Variants in MALT1 observed in about 807,000 individuals in gnomAD.
The protein encoded by MALT1 is MALT1 paracaspase, also known as mucosa-associated lymphoid tissue lymphoma translocation protein 1.
In MALT1, 36 loss-of-function variants were observed where a neutral mutation model predicts 85.5. That is an observed-to-expected ratio of 0.42 (90% confidence interval 0.32 to 0.56). The LOEUF is 0.56. Ranked by LOEUF, MALT1 falls within the 20% of genes least tolerant of loss-of-function variation. The pLI is 0.10. For missense variants in MALT1, 716 were observed against 981.6 expected (o/e 0.73, Z 3.62); for synonymous variants, 359 against 361.3 (o/e 0.99, Z 0.07).
Position 58,734,347 on chromosome 18 carries a change from A to G in MALT1, c.1441A>G (p.Lys481Glu). 1 of 1,613,882 alleles carries G rather than the reference A, an allele frequency of 6.2e-7. No individual in the cohort carries two copies. The highest frequency in any genetic ancestry group is 8.5e-7 in the Non-Finnish European group (1 of 1,179,782). Residue 481 changes from lysine to glutamate, a missense_variant, in exon 12 of 17, where the codon AAA becomes GAA. By Grantham distance (56) the Lys-to-Glu change is moderately conservative. Coordinates refer to ENST00000649217, the MANE Select transcript of MALT1 (RefSeq NM_006785.4). ...DDTIPILDAL[K>E]VTANIVFGYA... ...TACCATTCCAATCTTGGATGCACTAAAAGTCACCGCCAATATTGTGTTTGG... is the reference window on the plus strand; with the variant it reads ...TACCATTCCAATCTTGGATGCACTAGAAGTCACCGCCAATATTGTGTTTGG...
chr18:58,679,297 C>T (rs954677192), intron 1 of MALT1, among the ~76,000 whole-genome samples: 1 of 152,216 alleles, frequency 6.6e-6, no homozygotes, highest in Non-Finnish European at 1.5e-5. Flanking sequence ...GACAATAAGA[C>T]ATTCTTTAAA....
Position 58,752,616 on chromosome 18 carries a change from C to CAAAAAAAAA in MALT1, c.*4787_*4795dup, listed in dbSNP as rs34321301. 2 of 109,590 alleles carry CAAAAAAAAA rather than the reference C, an allele frequency of 1.8e-5. No homozygotes were observed. 6.8% of individuals were successfully genotyped at this position (109,590 alleles called of 1,614,324 possible). Reference sequence around the variant, plus strand: ...CAACATGGTGAAACCCCATCTCTACCAAAAAAAAAAAAAAAAAAAAAGCAA... The same window carrying CAAAAAAAAA: ...CAACATGGTGAAACCCCATCTCTACCAAAAAAAAAAAAAAAAAAAAAAAAAAAAAAGCAA... On this transcript the variant is annotated 3_prime_UTR_variant, in exon 17 of 17. Coordinates refer to ENST00000649217, the MANE Select transcript of MALT1 (RefSeq NM_006785.4).
chr18:58,711,392 AGAG>A (rs1197931227), intron 7 of MALT1, among the ~76,000 whole-genome samples: 2 of 152,200 alleles, frequency 1.3e-5, no homozygotes, highest in Admixed American at 1.3e-4. Flanking sequence ...AAGTTTCAGG[AGAG>A]GAGATTTATT....
chr18:58,723,281 A>G (rs747522975), intron 10 of MALT1, 30 bp downstream of exon 10: 1 of 1,499,456 alleles, frequency 6.7e-7, no homozygotes, highest in Non-Finnish European at 9.3e-7. Context: ...TGTTTTTACA[A>G]TTATCCATTA....
In MALT1 at chr18:58,723,060, T is replaced by C; in HGVS notation, c.1031T>C (p.Val344Ala). Residue 344 changes from valine (V) to alanine (A), a missense_variant, in exon 10 of 17, where the codon GTT becomes GCT. By Grantham distance (64) the Val-to-Ala change is moderately conservative (BLOSUM62 0). Transcript: ENST00000649217. ...TTTTTTTTCAAAGCGAAGGACAAGG[T>C]TGCCCTTTTGATAGGAAATATGAAT... ...TTDQPLAKDK[V>A]ALLIGNMNYR... 1 of 1,613,744 alleles carries C rather than the reference T, an allele frequency of 6.2e-7. No homozygotes were observed. Among genetic ancestry groups the C allele is most frequent in the Non-Finnish European group, 8.5e-7 (1 of 1,179,790 alleles).
At chr18:58,695,040 A>G (rs1295083099) in intron 2 of MALT1, among the ~76,000 whole-genome samples, 1 of 152,090 alleles carries the variant, frequency 6.6e-6, no homozygotes, top group East Asian at 1.9e-4. Context: ...GTGATAGTGA[A>G]TAAGTCTTAT....
chr18:58,692,229 T>A (rs2144340114), intron 2 of MALT1: 1 of 152,330 alleles, frequency 6.6e-6, no homozygotes, highest in East Asian at 1.9e-4. Flanking sequence ...GGGGTCCCCC[T>A]GGAGCCTCAG....
chr18:58,731,675 T>G (rs1464228806), intron 10 of MALT1, among the ~76,000 whole-genome samples: 14 of 152,246 alleles, frequency 9.2e-5, no homozygotes, highest in Admixed American at 9.2e-4. Context: ...TCCTCTCTAC[T>G]TTACTCATTT....
In MALT1 at chr18:58,733,455, C is replaced by T. The variant is rs199843812; in HGVS notation, c.1281C>T (p.Pro427=). ...ATTTTGGGAACAGCTTCATGGTCCC[C>T]GTTGATGCTCCAAATCCATATAGGT... ...YENFGNSFMV[P]VDAPNPYRSE... Residue 427 remains proline, a synonymous_variant, in exon 11 of 17, where the codon CCC becomes CCT. Transcript: ENST00000649217. The T allele has an allele frequency of 2.5e-6, 4 of 1,613,438 alleles. No homozygotes were observed. Among genetic ancestry groups the T allele is most frequent in the East Asian group, 4.5e-5 (2 of 44,874 alleles).
chr18:58,750,521 G>GAT lies in MALT1; in HGVS notation c.*2679_*2680insAT. ...ACCAAGCTACAATAAGACAGTGTAG[G>GAT]CATATGGATAGACATATCGATCAGA... On this transcript the variant is annotated 3_prime_UTR_variant, in exon 17 of 17. Coordinates refer to ENST00000649217, the MANE Select transcript of MALT1 (RefSeq NM_006785.4). The GAT allele has an allele frequency of 1.3e-5, 2 of 152,270 alleles. No individual in the cohort carries two copies. The highest frequency in any genetic ancestry group is 3.9e-4 in the East Asian group (2 of 5,186). The allele number at this position is 152,270 out of a possible 1,614,324, so 9.4% of individuals were successfully genotyped here. A position where few individuals can be genotyped will look rare whatever the true frequency, so the allele number is the denominator to read the frequency against.
chr18:58,739,569 T>C (rs2055273319), intron 13 of MALT1, among the ~76,000 whole-genome samples: 1 of 152,172 alleles, frequency 6.6e-6, no homozygotes, highest in African/African-American at 2.4e-5. Flanking sequence ...TTCAGTAAAG[T>C]AGATTGCTCT....
intron 13 of MALT1, among the ~76,000 whole-genome samples, chr18:58,740,905 T>C (rs2055292551): frequency 6.6e-6 from 1 of 152,188 alleles, no homozygotes; most frequent in South Asian, 2.1e-4. Context: ...TTTTACTTCA[T>C]ATATAGTGAC....
chr18:58,744,133 G>T (rs912507373), intron 14 of MALT1, among the ~76,000 whole-genome samples: 22 of 152,122 alleles, frequency 1.4e-4, no homozygotes, highest in African/African-American at 5.3e-4. Context: ...TATATATACA[G>T]TTGGATAAGA....
At chr18:58,707,078 C>G (rs2144380558) in intron 4 of MALT1, among the ~76,000 whole-genome samples, 1 of 151,954 alleles carries the variant, frequency 6.6e-6, no homozygotes, top group South Asian at 2.1e-4. Context: ...TTTCTTCTAA[C>G]CTGTTTTCAA....
At chr18:58,706,145 C>T (rs1248156956) in intron 4 of MALT1, among the ~76,000 whole-genome samples, 1 of 152,074 alleles carries the variant, frequency 6.6e-6, no homozygotes, top group Non-Finnish European at 1.5e-5. Context: ...GCCACCACGC[C>T]TGGCTAATTT....
chr18:58,674,291 G>A (rs1189464847), intron 1 of MALT1, among the ~76,000 whole-genome samples: 1 of 152,172 alleles, frequency 6.6e-6, no homozygotes, highest in Non-Finnish European at 1.5e-5. Context: ...TTTGTTTGGG[G>A]GAACTAAAGG....
intron 7 of MALT1, among the ~76,000 whole-genome samples, chr18:58,711,355 CT>C (rs2054828273): frequency 6.6e-6 from 1 of 152,128 alleles, no homozygotes; most frequent in Admixed American, 6.5e-5. Context: ...TGATTAGATG[CT>C]CTCAAATGAA....
chr18:58,753,168 G>C lies in MALT1; in HGVS notation c.*5326G>C, dbSNP rs2055469253. The C allele has an allele frequency of 6.6e-6, 1 of 152,076 alleles. No homozygotes were observed. The highest frequency in any genetic ancestry group is 1.5e-5 in the Non-Finnish European group (1 of 68,018). 9.4% of individuals were successfully genotyped at this position (152,076 alleles called of 1,614,324 possible). On this transcript the variant is annotated 3_prime_UTR_variant, in exon 17 of 17. Transcript: ENST00000649217. ...ATCTGGCATTCTTAAAGCTATACCT[G>C]TAGGCAGTATAGAGTGTTTTTTTTT...
At chr18:58,710,337 T>C (rs900678194) in intron 6 of MALT1, among the ~76,000 whole-genome samples, 1 of 152,212 alleles carries the variant, frequency 6.6e-6, no homozygotes, top group Non-Finnish European at 1.5e-5. Flanking sequence ...TCAACACTTA[T>C]GATAAAATAT....
Sources: allele counts gnomAD v4.1 joint callset (sites outside exome capture counted in the v4.1 genomes callset), GRCh38; gene constraint gnomAD v4.1.1; transcripts MANE v1.5; gene names NCBI Gene and HGNC (gene_info 2026-07-23, HGNC 2026-07-21).